Variants in MAPK9 observed in about 807,000 individuals in gnomAD.
MAPK9 encodes mitogen-activated protein kinase 9.
Under a neutral mutation model 57.1 loss-of-function variants are expected in MAPK9, and 30 were observed. The observed-to-expected ratio is 0.53, with a 90% CI of 0.39 to 0.71. MAPK9 has a LOEUF of 0.71. Ranked by LOEUF, MAPK9 falls within the 30% of genes least tolerant of loss-of-function variation. The pLI is 0.00. For missense variants in MAPK9, 362 were observed against 521.0 expected (o/e 0.69, Z 2.97); for synonymous variants, 155 against 177.0 (o/e 0.88, Z 0.99).
In MAPK9 at chr5:180,282,868, A is replaced by T. The variant is rs747414952; in HGVS notation, c.-47-2260T>A. On this transcript the variant is annotated intron_variant, in intron 1 of 11. Transcript: ENST00000452135. ...GGAGGCCCTGCACACCAAGGGTCCT[A>T]AACCCAGTAGGGTGAAGAAGATTTG... 9.5e-4 allele frequency among the ~76,000 whole-genome samples: 144 copies of T among 152,336 alleles called. 1 individual carries two copies. Among genetic ancestry groups the T allele is most frequent in the East Asian group, 1.3e-3 (7 of 5,190 alleles).
chr5:180,242,526 C>T, intron 8 of MAPK9, 47 bp downstream of exon 8: 2 of 1,521,770 alleles, frequency 1.3e-6, no homozygotes, highest in Non-Finnish European at 1.8e-6. Flanking sequence ...AGTGAAAGCA[C>T]CACCTGAATT....
chr5:180,241,093 C>A lies in MAPK9; in HGVS notation c.934G>T (p.Val312Leu). The change falls in exon 9 of 12, where the codon GTA becomes TTA. Residue 312 changes from valine (V) to leucine (L), a missense_variant. Coordinates refer to ENST00000452135, the MANE Select transcript of MAPK9 (RefSeq NM_002752.5). Reference protein sequence around the residue: ...LVIDPDKRISVDEALRHPYIT... With the variant: ...LVIDPDKRISLDEALRHPYIT... ...TATGGGTGACGCAGAGCTTCGTCTACAGAGATCCGCTTGTCAGGATCAATC... is the reference window on the plus strand; with the variant it reads ...TATGGGTGACGCAGAGCTTCGTCTAAAGAGATCCGCTTGTCAGGATCAATC... 1.2e-6 allele frequency: 2 copies of A among 1,614,122 alleles called. No individual in the cohort carries two copies. Among genetic ancestry groups the A allele is most frequent in the South Asian group, 2.2e-5 (2 of 91,074 alleles).
rs181108604 is a variant in MAPK9, at chr5:180,264,508, T to C, written c.311+273A>G. Reference sequence around the variant, plus strand: ...TCAGGGATTTGAGAAAAACATTTTATAGTTCAGCAAAACACATTAGTGATC... The same window carrying C: ...TCAGGGATTTGAGAAAAACATTTTACAGTTCAGCAAAACACATTAGTGATC... On this transcript the variant is annotated intron_variant, in intron 4 of 11. Coordinates refer to ENST00000452135, the MANE Select transcript of MAPK9 (RefSeq NM_002752.5). 2.0e-5 allele frequency among the ~76,000 whole-genome samples: 3 copies of C among 152,370 alleles called. No individual in the cohort carries two copies. In the East Asian group the frequency reaches 5.8e-4, roughly 29 times the overall value.
At chr5:180,252,726 G>A (rs114153785) in intron 5 of MAPK9, among the ~76,000 whole-genome samples, 1,673 of 152,246 alleles carry the variant, frequency 0.011, 28 homozygotes, top group African/African-American at 0.038. Context: ...GGCCCACTGA[G>A]AGCCACCAGA....
At position 180,236,359 on chromosome 5, in the gene MAPK9, T is replaced by C. The variant is rs761862060; in HGVS notation, c.*25A>G. ...ACGGAGGTGAGAGTTCCTTCAATGC[T>C]GACAGGTTTGCTATTTCTAACCTAT... is the stretch of plus-strand genomic sequence containing the variant. On this transcript the variant is annotated 3_prime_UTR_variant, in exon 12 of 12. Coordinates refer to ENST00000452135, the MANE Select transcript of MAPK9 (RefSeq NM_002752.5). 14 of 1,586,060 alleles carry C rather than the reference T, an allele frequency of 8.8e-6. No individual in the cohort carries two copies. The highest frequency in any genetic ancestry group is 1.2e-5 in the Non-Finnish European group (14 of 1,159,506).
chr5:180,247,409 T>C lies in MAPK9; in HGVS notation c.688+30A>G, dbSNP rs767486767. The C allele has an allele frequency of 4.3e-6, 7 of 1,614,172 alleles. No individual in the cohort carries two copies. The Admixed American group carries it at 1.2e-4, about 27-fold the overall frequency. ...TGCTGCCTGAGGCATTAAGAAAGCA[T>C]GGCGGGGCCAAGGTCGCGGGGAAGG... On this transcript the variant is annotated intron_variant, in intron 7 of 11. Coordinates refer to ENST00000452135, the MANE Select transcript of MAPK9 (RefSeq NM_002752.5). The surrounding 1 kb of genome is among the most constrained non-coding windows in gnomAD (Gnocchi z 4.5).
At chr5:180,256,566 C>T (rs1473386595) in intron 5 of MAPK9, among the ~76,000 whole-genome samples, 3 of 152,118 alleles carry the variant, frequency 2.0e-5, no homozygotes, top group Admixed American at 1.3e-4. Context: ...AACAAGGTGA[C>T]AGGGAGGAGA....
At chr5:180,266,256 C>CA (rs1036739330) in intron 3 of MAPK9, among the ~76,000 whole-genome samples, 11 of 149,346 alleles carry the variant, frequency 7.4e-5, no homozygotes, top group African/African-American at 2.5e-4. Context: ...AAAAGCAAAA[C>CA]AAAAAAAATC....
chr5:180,246,292 T>C (rs914684190), intron 7 of MAPK9: 1 of 152,198 alleles, frequency 6.6e-6, no homozygotes, highest in Non-Finnish European at 1.5e-5. Context: ...GAGATGAGGC[T>C]ATGGAAACTG....
chr5:180,250,340 G>A (rs970820353), intron 5 of MAPK9, among the ~76,000 whole-genome samples: 14 of 152,084 alleles, frequency 9.2e-5, no homozygotes, highest in Non-Finnish European at 2.9e-5. Context: ...CAGGCCTTAG[G>A]AATTTGACTT....
At position 180,247,545 on chromosome 5, in the gene MAPK9, G is replaced by T. The variant is rs763893994; in HGVS notation, c.617-35C>A. On this transcript the variant is annotated intron_variant, in intron 6 of 11. Coordinates refer to ENST00000452135, the MANE Select transcript of MAPK9 (RefSeq NM_002752.5). The surrounding 1 kb of genome is among the most constrained non-coding windows in gnomAD (Gnocchi z 4.5). The stretch of plus-strand genomic sequence containing the variant: ...AAATGAAATGATAAAATTATGAAGT[G>T]CCATGAACAAAACAAAAGTGAGGAA... 1.9e-6 allele frequency: 3 copies of T among 1,574,000 alleles called. No individual in the cohort carries two copies. Among genetic ancestry groups the T allele is most frequent in the Non-Finnish European group, 2.6e-6 (3 of 1,145,588 alleles).
chr5:180,278,000 T>C (rs1761976297), intron 2 of MAPK9, among the ~76,000 whole-genome samples: 2 of 152,256 alleles, frequency 1.3e-5, no homozygotes, highest in South Asian at 4.1e-4. Flanking sequence ...AAATTGAAAC[T>C]GTTCTTGAAT....
chr5:180,242,148 G>A (rs1254951000), intron 8 of MAPK9, among the ~76,000 whole-genome samples: 3 of 152,140 alleles, frequency 2.0e-5, no homozygotes, highest in East Asian at 1.9e-4. Context: ...ACCTTCATGC[G>A]GACAGAATCA....
chr5:180,279,564 TAGAGCATCGAAA>T (rs1453825840), intron 2 of MAPK9, among the ~76,000 whole-genome samples: 5 of 152,108 alleles, frequency 3.3e-5, no homozygotes, highest in Non-Finnish European at 7.4e-5. Context: ...ACTACCCTAC[TAGAGCATCGAAA>T]AGAGCTTTCT....
chr5:180,251,473 A>G (rs1758685724), intron 5 of MAPK9, among the ~76,000 whole-genome samples: 1 of 152,148 alleles, frequency 6.6e-6, no homozygotes, highest in African/African-American at 2.4e-5. Flanking sequence ...GGAAAAGCAC[A>G]CTTTACTGCC....
At chr5:180,251,676 C>T (rs1758706205) in intron 5 of MAPK9, among the ~76,000 whole-genome samples, 1 of 152,128 alleles carries the variant, frequency 6.6e-6, no homozygotes, top group Non-Finnish European at 1.5e-5. Flanking sequence ...AGTTCTGCCC[C>T]TTCAAGTCTT....
rs1581157277 is a variant in MAPK9, at chr5:180,237,996, G to A, written c.1132+336C>T. 3.3e-5 allele frequency: 6 copies of A among 181,406 alleles called. No homozygotes were observed. In the South Asian group the frequency reaches 5.6e-4, roughly 17 times the overall value. 11.2% of individuals were successfully genotyped at this position (181,406 alleles called of 1,614,324 possible). On this transcript the variant is annotated intron_variant, in intron 11 of 11. Coordinates refer to ENST00000452135, the MANE Select transcript of MAPK9 (RefSeq NM_002752.5). Reference sequence around the variant, plus strand: ...TACTAAAAATACAAAAATTAGCCAGGCATGGTGGTGCGTGCCTGTAATCCC... The same window carrying A: ...TACTAAAAATACAAAAATTAGCCAGACATGGTGGTGCGTGCCTGTAATCCC...
At chr5:180,249,173 T>A (rs201946066) in intron 5 of MAPK9, 35 bp from the exon 6 acceptor site, 53 of 1,581,766 alleles carry the variant, frequency 3.4e-5, no homozygotes, top group Non-Finnish European at 4.3e-5. Context: ...GTAAAATGAA[T>A]GAAGCATGCT....
intron 3 of MAPK9, among the ~76,000 whole-genome samples, chr5:180,265,158 A>G (rs1760395678): frequency 1.3e-5 from 2 of 152,260 alleles, no homozygotes; most frequent in Non-Finnish European, 2.9e-5. Context: ...TTAACTCTGA[A>G]AACTTAAATA....
Sources: gnomAD v4.1 joint callset for allele counts (sites outside exome capture counted in the v4.1 genomes callset) on GRCh38, gnomAD v4.1.1 for gene constraint, Gnocchi (gnomAD v3.1) non-coding constraint, MANE v1.5 for transcripts, NCBI Gene and HGNC (gene_info 2026-07-23, HGNC 2026-07-21) for gene names.